Variants in CLOCK observed in about 807,000 individuals in gnomAD.
CLOCK encodes circadian locomoter output cycles protein kaput.
Under a neutral mutation model 118.4 loss-of-function variants are expected in CLOCK, and 43 were observed. The ratio of observed to expected loss-of-function variants is 0.36; its 90% confidence interval spans 0.28 to 0.47. The LOEUF (loss-of-function observed/expected upper bound fraction) is 0.47. CLOCK is among the 20% of genes least tolerant of loss of function. The pLI, the probability that CLOCK is intolerant of heterozygous loss-of-function variation, is 1.00. For missense variants in CLOCK, 846 were observed against 999.9 expected, an observed-to-expected ratio of 0.85 and a Z score of 2.08; for synonymous variants, 326 against 339.2, an observed-to-expected ratio of 0.96 and a Z score of 0.43.
intron 20 of CLOCK, 41 bp downstream of exon 20, chr4:55,443,646 C>A (rs1723550460): frequency 6.7e-7 from 1 of 1,494,328 alleles, no homozygotes; most frequent in South Asian, 1.1e-5. Flanking sequence ...TGCCTTCCAA[C>A]CACTGATCAC....
At position 55,545,087 on chromosome 4, in the gene CLOCK, T is replaced by C. The variant is rs533660701; in HGVS notation, c.-290+1695A>G. Among the ~76,000 whole-genome samples the C allele has an allele frequency of 1.2e-4, 18 of 152,076 alleles. No homozygotes were observed. In the South Asian group the frequency reaches 3.5e-3, roughly 30 times the overall value. On this transcript the variant is annotated intron_variant, in intron 1 of 22. Coordinates refer to ENST00000513440, the MANE Select transcript of CLOCK (RefSeq NM_004898.4). ...TTTTACTTTTTTTATTATTATACTT[T>C]AAGTTCTAGGGTACATGTGCACAAC...
chr4:55,437,139 ACT>A (rs2109637043), intron 22 of CLOCK, among the ~76,000 whole-genome samples: 1 of 152,142 alleles, frequency 6.6e-6, no homozygotes, highest in South Asian at 2.1e-4. Context: ...AGACTGTATG[ACT>A]CTCAGATATT....
chr4:55,495,654 A>G (rs1485547734), intron 2 of CLOCK, among the ~76,000 whole-genome samples: 3 of 152,070 alleles, frequency 2.0e-5, no homozygotes, highest in African/African-American at 7.2e-5. Context: ...TTTGAATTTC[A>G]ATGTACACAA....
In CLOCK at chr4:55,434,523, T is replaced by C. The variant is rs1254109255; in HGVS notation, c.*892A>G. On this transcript the variant is annotated 3_prime_UTR_variant, in exon 23 of 23. Coordinates refer to ENST00000513440, the MANE Select transcript of CLOCK (RefSeq NM_004898.4). Reference sequence around the variant, plus strand: ...GTGCAAATCCTATTTTCAAACATAATTGAAAAATAATGAAATGAGGGATAT... The same window carrying C: ...GTGCAAATCCTATTTTCAAACATAACTGAAAAATAATGAAATGAGGGATAT... The C allele has an allele frequency of 1.3e-5, 2 of 152,454 alleles. No homozygotes were observed. The highest frequency in any genetic ancestry group is 6.6e-5 in the Admixed American group (1 of 15,258). 9.4% of individuals were successfully genotyped at this position (152,454 alleles called of 1,614,324 possible). A position where few individuals can be genotyped will look rare whatever the true frequency, so the allele number is the denominator to read the frequency against.
chr4:55,462,128 G>A (rs1050736274), intron 9 of CLOCK, among the ~76,000 whole-genome samples: 1 of 152,164 alleles, frequency 6.6e-6, no homozygotes, highest in Non-Finnish European at 1.5e-5. Flanking sequence ...CTTTTCTTAA[G>A]TATTCTTGCC....
rs374617526 is a variant in CLOCK, at chr4:55,484,789, G to A, written c.-43-1961C>T. Among the ~76,000 whole-genome samples the A allele has an allele frequency of 7.9e-5, 12 of 152,204 alleles. No individual in the cohort carries two copies. In the East Asian group the frequency reaches 9.6e-4, roughly 12 times the overall value. ...GGGGTGGTGGCGGGGACTAGGCAAC[G>A]CCAAGAATTAAGGGTTATACTACAG... On this transcript the variant is annotated intron_variant, in intron 3 of 22. Coordinates refer to ENST00000513440, the MANE Select transcript of CLOCK (RefSeq NM_004898.4).
chr4:55,529,183 C>T (rs542669561), intron 1 of CLOCK, among the ~76,000 whole-genome samples: 1 of 152,178 alleles, frequency 6.6e-6, no homozygotes, highest in African/African-American at 2.4e-5. Flanking sequence ...TTAAAAGAGA[C>T]AGTCTTACTT....
chr4:55,480,454 T>C (rs889492638), intron 4 of CLOCK, among the ~76,000 whole-genome samples: 1 of 152,102 alleles, frequency 6.6e-6, no homozygotes, highest in African/African-American at 2.4e-5. Context: ...TTTGTAGAGA[T>C]GGGGTCTTGC....
chr4:55,455,460 T>C (rs1724857313), intron 13 of CLOCK, among the ~76,000 whole-genome samples: 1 of 152,170 alleles, frequency 6.6e-6, no homozygotes. Context: ...GCTCCTGCTC[T>C]AACAACAATA....
chr4:55,482,580 T>C (rs1305363926), intron 4 of CLOCK, among the ~76,000 whole-genome samples, 159 bp downstream of exon 4: 1 of 152,236 alleles, frequency 6.6e-6, no homozygotes, highest in Non-Finnish European at 1.5e-5. Flanking sequence ...TATACCTTAC[T>C]TATTTTTTTA....
chr4:55,509,198 G>A (rs1242201462), intron 2 of CLOCK, among the ~76,000 whole-genome samples: 1 of 152,168 alleles, frequency 6.6e-6, no homozygotes, highest in East Asian at 1.9e-4. Flanking sequence ...AATCTCATGG[G>A]ACCACTGTCG....
Position 55,546,790 on chromosome 4 carries a change from C to G in CLOCK, c.-298G>C, listed in dbSNP as rs961674022. On this transcript the variant is annotated 5_prime_UTR_variant, in exon 1 of 23. Transcript: ENST00000513440. ...GGGCGGGCGCCTCTCACCGGGAGCG[C>G]TCGCGGCGGCGGCGGCCAGATTTCC... 2 of 152,256 alleles carry G rather than the reference C, an allele frequency of 1.3e-5. No individual in the cohort carries two copies. The highest frequency in any genetic ancestry group is 6.5e-5 in the Admixed American group (1 of 15,288). 9.4% of individuals were successfully genotyped at this position (152,256 alleles called of 1,614,324 possible).
intron 4 of CLOCK, 31 bp from the exon 5 acceptor site, chr4:55,479,730 C>T (rs1251734150): frequency 6.4e-7 from 1 of 1,560,432 alleles, no homozygotes; most frequent in East Asian, 2.3e-5. Context: ...AAAGTAAGAG[C>T]AGACTCACTA....
Position 55,435,673 on chromosome 4 carries a change from G to A in CLOCK, c.2362-79C>T, listed in dbSNP as rs368035025. On this transcript the variant is annotated intron_variant, in intron 22 of 22. Transcript: ENST00000513440. ...ATAATAGTTACTCACACTCTCCCCT[G>A]TCCATAGGGACAAAATCCTTAAAAT... 2,116 of 1,412,580 alleles carry A rather than the reference G, an allele frequency of 1.5e-3. 3 individuals are homozygous for A. The highest frequency in any genetic ancestry group is 1.8e-3 in the Non-Finnish European group (1,766 of 1,000,392). 87.5% of individuals were successfully genotyped at this position (1,412,580 alleles called of 1,614,324 possible).
rs555453584 is a variant in CLOCK at position 55,433,367 on chromosome 4, T to G, written c.*2048A>C. ...AAGTACCAATTTTCTTTGGTTGTTT[T>G]CTTTTTCAACATTAATGTTCAAAGT... On this transcript the variant is annotated 3_prime_UTR_variant, in exon 23 of 23. Transcript: ENST00000513440. 7 of 152,762 alleles carry G rather than the reference T, an allele frequency of 4.6e-5. No homozygotes were observed. The Middle Eastern group carries it at 0.01, about 223-fold the overall frequency. The allele number at this position is 152,762 out of a possible 1,614,324, so 9.5% of individuals were successfully genotyped here. A position where few individuals can be genotyped will look rare whatever the true frequency, so the allele number is the denominator to read the frequency against.
At chr4:55,493,024 A>G (rs1727823014) in intron 2 of CLOCK, among the ~76,000 whole-genome samples, 2 of 152,076 alleles carry the variant, frequency 1.3e-5, no homozygotes, top group African/African-American at 2.4e-5. Flanking sequence ...TACTTTCTAA[A>G]ATTTCTCCCA....
intron 22 of CLOCK, 44 bp from the exon 23 acceptor site, chr4:55,435,638 T>C (rs1163421808): frequency 1.9e-6 from 3 of 1,595,552 alleles, no homozygotes; most frequent in Middle Eastern, 1.7e-4. Context: ...ACTCCCTTTA[T>C]GGCACCCACA....
At chr4:55,479,223 AC>A (rs1726745833) in intron 5 of CLOCK, among the ~76,000 whole-genome samples, 1 of 152,178 alleles carries the variant, frequency 6.6e-6, no homozygotes. Flanking sequence ...CATTCAAATC[AC>A]AAGTTTTATT....
At chr4:55,459,040 G>A (rs748090314) in intron 10 of CLOCK, 30 bp from the exon 11 acceptor site, 1 of 1,563,442 alleles carries the variant, frequency 6.4e-7, no homozygotes. Flanking sequence ...TGTATCATCA[G>A]TTATGCCAGC....
Sources: gnomAD v4.1 joint callset for allele counts (sites outside exome capture counted in the v4.1 genomes callset) on GRCh38, gnomAD v4.1.1 for gene constraint, MANE v1.5 for transcripts, NCBI Gene and HGNC (gene_info 2026-07-23, HGNC 2026-07-21) for gene names.